Variants in SLC6A11 observed in about 807,000 individuals in gnomAD.
SLC6A11 encodes the protein solute carrier family 6 member 11, also known as sodium- and chloride-dependent GABA transporter 3.
Under a neutral mutation model 74.8 loss-of-function variants are expected in SLC6A11, and 25 were observed. That is an observed-to-expected ratio of 0.33 (90% confidence interval 0.24 to 0.47). The LOEUF (loss-of-function observed/expected upper bound fraction) is 0.47. SLC6A11 is among the 20% of genes least tolerant of loss of function. The pLI is 1.00. For missense variants in SLC6A11, 574 were observed against 837.0 expected (o/e 0.69, Z 3.88); for synonymous variants, 330 against 330.2 (o/e 1.00, Z 0.01).
chr3:10,908,138 C>T (rs1482841547), intron 6 of SLC6A11, among the ~76,000 whole-genome samples: 1 of 152,100 alleles, frequency 6.6e-6, no homozygotes, highest in Non-Finnish European at 1.5e-5. Context: ...CTCATTCAGT[C>T]AATCAGTAAA....
intron 4 of SLC6A11, among the ~76,000 whole-genome samples, chr3:10,840,991 C>G (rs1694430321): frequency 6.6e-6 from 1 of 152,142 alleles, no homozygotes; most frequent in Admixed American, 6.5e-5. Flanking sequence ...GGTGGAGCAG[C>G]TGGTAAGGAG....
At chr3:10,844,713 G>A (rs927903796) in intron 5 of SLC6A11, among the ~76,000 whole-genome samples, 1 of 152,156 alleles carries the variant, frequency 6.6e-6, no homozygotes, top group African/African-American at 2.4e-5. Context: ...TGTGTGTGAG[G>A]GCAGGTGATG....
At chr3:10,911,565 A>T (rs1345573219) in intron 6 of SLC6A11, among the ~76,000 whole-genome samples, 1 of 152,112 alleles carries the variant, frequency 6.6e-6, no homozygotes, top group Non-Finnish European at 1.5e-5. Flanking sequence ...AGCTATGCAA[A>T]TGTATCACCC....
At chr3:10,831,823 A>G (rs1219759652) in intron 4 of SLC6A11, among the ~76,000 whole-genome samples, 1 of 152,216 alleles carries the variant, frequency 6.6e-6, no homozygotes, top group African/African-American at 2.4e-5. Flanking sequence ...TTGTGAAGAA[A>G]CTAGTAGTTC....
At chr3:10,903,887 A>G (rs1259982852) in intron 6 of SLC6A11, among the ~76,000 whole-genome samples, 1 of 152,224 alleles carries the variant, frequency 6.6e-6, no homozygotes, top group African/African-American at 2.4e-5. Context: ...CCAATTGGAT[A>G]AGTCACTCCA....
intron 5 of SLC6A11, among the ~76,000 whole-genome samples, chr3:10,859,535 G>A (rs1234556040): frequency 6.6e-6 from 1 of 152,202 alleles, no homozygotes; most frequent in Non-Finnish European, 1.5e-5. Context: ...GAGCTCAGGT[G>A]AGAGATGTGT....
chr3:10,846,317 G>A (rs967032787), intron 5 of SLC6A11, among the ~76,000 whole-genome samples: 1 of 152,244 alleles, frequency 6.6e-6, no homozygotes. Context: ...AGAGAAGGGA[G>A]GAAGTTTCAT....
intron 5 of SLC6A11, among the ~76,000 whole-genome samples, chr3:10,864,253 T>C (rs1694737329): frequency 6.6e-6 from 1 of 151,714 alleles, no homozygotes; most frequent in South Asian, 2.1e-4. Context: ...AGAGTGACAC[T>C]ATTCCCTAAG....
chr3:10,873,971 T>TAC (rs1559567234), intron 5 of SLC6A11, among the ~76,000 whole-genome samples: 75 of 130,512 alleles, frequency 5.7e-4, no homozygotes, highest in Middle Eastern at 7.2e-3. Flanking sequence ...CGCTATGCTA[T>TAC]GCTACGCTAC....
chr3:10,818,068 A>AT (rs34707916), intron 1 of SLC6A11, among the ~76,000 whole-genome samples: 2,030 of 137,564 alleles, frequency 0.015, 21 homozygotes, highest in South Asian at 0.021. Context: ...TCTGTCACAG[A>AT]TTTTTTTTTT....
At chr3:10,898,431 C>A (rs1695197202) in intron 6 of SLC6A11, among the ~76,000 whole-genome samples, 1 of 152,236 alleles carries the variant, frequency 6.6e-6, no homozygotes, top group African/African-American at 2.4e-5. Flanking sequence ...GCACCCAAGT[C>A]ACCTCTTGAA....
At chr3:10,884,088 C>T (rs1053604831) in intron 6 of SLC6A11, among the ~76,000 whole-genome samples, 1 of 152,178 alleles carries the variant, frequency 6.6e-6, no homozygotes, top group Non-Finnish European at 1.5e-5. Context: ...CAGGTGTACT[C>T]CTTCCAGTCA....
intron 6 of SLC6A11, among the ~76,000 whole-genome samples, chr3:10,882,189 A>G (rs1694989394): frequency 6.6e-6 from 1 of 152,218 alleles, no homozygotes; most frequent in African/African-American, 2.4e-5. Context: ...ACGGCACAGC[A>G]AGTCATTTCT....
chr3:10,929,079 C>T (rs1169213957), intron 9 of SLC6A11, 123 bp from the exon 10 acceptor site: 3 of 975,544 alleles, frequency 3.1e-6, no homozygotes, highest in Non-Finnish European at 3.1e-6. Flanking sequence ...GGCCCCTCGT[C>T]TGCATTAATG....
intron 13 of SLC6A11, among the ~76,000 whole-genome samples, chr3:10,936,832 T>C (rs1695765055): frequency 6.6e-6 from 1 of 152,154 alleles, no homozygotes; most frequent in South Asian, 2.1e-4. Context: ...CCAGAGATCA[T>C]CTCCGGCCTG....
chr3:10,831,631 G>C (rs1471270243), intron 4 of SLC6A11, among the ~76,000 whole-genome samples: 1 of 152,026 alleles, frequency 6.6e-6, no homozygotes, highest in Non-Finnish European at 1.5e-5. Context: ...AGAGAGAGAG[G>C]CTTACTTTTT....
At chr3:10,913,595 G>A (rs767995576) in intron 7 of SLC6A11, among the ~76,000 whole-genome samples, 9 of 152,138 alleles carry the variant, frequency 5.9e-5, no homozygotes, top group South Asian at 2.1e-4. Flanking sequence ...TCCCAACAAC[G>A]TATGATACAC....
chr3:10,877,629 T>C (rs761274091), intron 6 of SLC6A11, among the ~76,000 whole-genome samples: 5 of 152,190 alleles, frequency 3.3e-5, no homozygotes, highest in Non-Finnish European at 7.3e-5. Flanking sequence ...GAAATCACAT[T>C]GCTATACAAA....
At chr3:10,902,056 G>T (rs1196343687) in intron 6 of SLC6A11, among the ~76,000 whole-genome samples, 1 of 149,332 alleles carries the variant, frequency 6.7e-6, no homozygotes, top group East Asian at 2.0e-4. Context: ...TACAAAAGTT[G>T]TGTGTGCGTG....
Sources: allele counts gnomAD v4.1 joint callset (sites outside exome capture counted in the v4.1 genomes callset), GRCh38; gene constraint gnomAD v4.1.1; transcripts MANE v1.5; gene names NCBI Gene and HGNC (gene_info 2026-07-23, HGNC 2026-07-21).